SMYD3: variants seen among roughly 807,000 people sequenced by gnomAD.
The protein encoded by SMYD3 is SET and MYND domain containing 3.
In SMYD3, 36 loss-of-function variants were observed where a neutral mutation model predicts 57.7. That is an observed-to-expected ratio of 0.62 (90% CI 0.48 to 0.82). SMYD3 has a LOEUF of 0.82. Among genes scored for constraint, SMYD3 ranks in the 40% least tolerant of loss-of-function variants. SMYD3 has a pLI of 0.00. For synonymous variants in SMYD3, 211 were observed against 195.0 expected (o/e 1.08, Z -0.68); for missense variants, 515 against 538.8 (o/e 0.96, Z 0.44).
intron 1 of SMYD3, among the ~76,000 whole-genome samples, chr1:246,473,325 C>A (rs1357400961): frequency 2.6e-5 from 4 of 152,042 alleles, no homozygotes; most frequent in Admixed American, 2.6e-4. Flanking sequence ...TTAGAGTAAA[C>A]CTGATTTATT....
intron 1 of SMYD3, among the ~76,000 whole-genome samples, chr1:246,502,412 A>G (rs763383816): frequency 6.6e-6 from 1 of 152,148 alleles, no homozygotes; most frequent in Non-Finnish European, 1.5e-5. Flanking sequence ...GACTACAGGC[A>G]TGAGCCACCA....
At chr1:246,021,057 G>A (rs1233878446) in intron 5 of SMYD3, among the ~76,000 whole-genome samples, 1 of 152,176 alleles carries the variant, frequency 6.6e-6, no homozygotes, top group African/African-American at 2.4e-5. Context: ...GCTTTGTAAA[G>A]GTAACGGTGA....
rs2065909050 is a variant in SMYD3 at position 246,356,286 on chromosome 1, T to C, written c.165-1192A>G. On this transcript the variant is annotated intron_variant, in intron 1 of 11. Coordinates refer to ENST00000490107, the MANE Select transcript of SMYD3 (RefSeq NM_001167740.2). ...GGGAGAACCCCTTGGAACAAAAGTA[T>C]CTGAACAGCAGCCCTTGAGTCCCAT... 2.6e-5 allele frequency among the ~76,000 whole-genome samples: 4 copies of C among 152,204 alleles called. No homozygotes were observed. In the South Asian group the frequency reaches 8.3e-4, roughly 32 times the overall value.
chr1:246,080,719 G>C (rs893127110), intron 5 of SMYD3, among the ~76,000 whole-genome samples: 2 of 152,138 alleles, frequency 1.3e-5, no homozygotes, highest in Non-Finnish European at 1.5e-5. Flanking sequence ...ATACCTTTTT[G>C]ATATAAAATA....
intron 10 of SMYD3, among the ~76,000 whole-genome samples, chr1:245,842,127 T>C (rs944092639): frequency 2.0e-5 from 3 of 152,214 alleles, no homozygotes; most frequent in African/African-American, 7.2e-5. Context: ...TAAATACATT[T>C]CATGACGATT....
chr1:246,047,604 G>A (rs1330378294), intron 5 of SMYD3, among the ~76,000 whole-genome samples: 1 of 152,202 alleles, frequency 6.6e-6, no homozygotes, highest in African/African-American at 2.4e-5. Context: ...TTGGGAGGCT[G>A]AGGGAGTAGA....
chr1:246,503,204 C>A (rs2068483816), intron 1 of SMYD3, among the ~76,000 whole-genome samples: 1 of 152,234 alleles, frequency 6.6e-6, no homozygotes, highest in Admixed American at 6.5e-5. Context: ...CCACAATCCA[C>A]CAGGACTGAA....
In SMYD3 at chr1:245,763,212, C is replaced by T. The variant is rs191529062; in HGVS notation, c.1185+829G>A. Among the ~76,000 whole-genome samples the T allele has an allele frequency of 9.2e-3, 1,396 of 152,330 alleles. 6 individuals carry two copies. The highest frequency in any genetic ancestry group is 0.014 in the Non-Finnish European group (956 of 68,040). On this transcript the variant is annotated intron_variant, in intron 11 of 11. Transcript: ENST00000490107. ...TTCACTGACCTCCTTCGCTTCCTCC[C>T]TCCTCCTTCCCTCAATAATGAATAC...
At chr1:245,912,413 G>T (rs1230911372) in intron 8 of SMYD3, among the ~76,000 whole-genome samples, 1 of 152,108 alleles carries the variant, frequency 6.6e-6, no homozygotes, top group African/African-American at 2.4e-5. Flanking sequence ...AATTAATATT[G>T]TTAAATGATG....
intron 5 of SMYD3, among the ~76,000 whole-genome samples, chr1:245,980,868 G>T (rs971665458): frequency 6.6e-6 from 1 of 152,110 alleles, no homozygotes; most frequent in Non-Finnish European, 1.5e-5. Context: ...ATGGTACCTC[G>T]GCCACTGTTT....
chr1:246,159,061 A>G (rs1327732848), intron 5 of SMYD3, among the ~76,000 whole-genome samples: 1 of 152,188 alleles, frequency 6.6e-6, no homozygotes, highest in Non-Finnish European at 1.5e-5. Context: ...AGAGGGAATG[A>G]CCAAGGAAGG....
chr1:245,833,070 A>C lies in SMYD3; in HGVS notation c.1076+25426T>G, dbSNP rs113251705. ...CCCGGAATATGTGACAAAAAAAAAA[A>C]AAAAACCTGCTTTTATAATGCTGAT... On this transcript the variant is annotated intron_variant, in intron 10 of 11. Coordinates refer to ENST00000490107, the MANE Select transcript of SMYD3 (RefSeq NM_001167740.2). 2.0e-4 allele frequency among the ~76,000 whole-genome samples: 18 copies of C among 90,408 alleles called. 3 individuals carry two copies. Among genetic ancestry groups the C allele is most frequent in the African/African-American group, 5.1e-4 (18 of 35,320 alleles). 59.3% of individuals were successfully genotyped at this position (90,408 alleles called of 152,430 possible).
At chr1:246,023,096 C>T (rs1368693915) in intron 5 of SMYD3, among the ~76,000 whole-genome samples, 1 of 152,208 alleles carries the variant, frequency 6.6e-6, no homozygotes, top group East Asian at 1.9e-4. Flanking sequence ...ATTTAGGACA[C>T]AGGCAGGTTT....
At chr1:245,829,168 A>C (rs750783234) in intron 10 of SMYD3, among the ~76,000 whole-genome samples, 12 of 150,562 alleles carry the variant, frequency 8.0e-5, no homozygotes, top group Non-Finnish European at 1.2e-4. Flanking sequence ...GATAGTATGA[A>C]AAGTTCACTT....
intron 5 of SMYD3, among the ~76,000 whole-genome samples, chr1:246,194,534 T>C (rs2062800289): frequency 6.6e-6 from 1 of 152,220 alleles, no homozygotes; most frequent in African/African-American, 2.4e-5. Flanking sequence ...CCGAAAGTGC[T>C]GGGATTACAG....
At chr1:245,924,710 T>C (rs192764353) in intron 7 of SMYD3, among the ~76,000 whole-genome samples, 1 of 145,620 alleles carries the variant, frequency 6.9e-6, no homozygotes, top group East Asian at 2.1e-4. Context: ...TCGCCCAGGC[T>C]GGAGTGCAAT....
intron 5 of SMYD3, among the ~76,000 whole-genome samples, chr1:246,196,838 A>G (rs917766642): frequency 4.6e-5 from 7 of 152,160 alleles, no homozygotes; most frequent in Non-Finnish European, 7.3e-5. Context: ...TTCTAAAACT[A>G]TTCTCCAATT....
chr1:246,432,480 G>A (rs74938532), intron 1 of SMYD3, among the ~76,000 whole-genome samples: 3,468 of 152,262 alleles, frequency 0.023, 136 homozygotes, highest in African/African-American at 0.078. Context: ...AGGAAATAAA[G>A]TTTATCAAAA....
intron 1 of SMYD3, among the ~76,000 whole-genome samples, chr1:246,491,828 T>C (rs2068276519): frequency 6.6e-6 from 1 of 152,144 alleles, no homozygotes; most frequent in Non-Finnish European, 1.5e-5. Context: ...CTGTTGAACA[T>C]ACACAATTTC....
Sources: allele counts gnomAD v4.1 joint callset (sites outside exome capture counted in the v4.1 genomes callset), GRCh38; gene constraint gnomAD v4.1.1; transcripts MANE v1.5; gene names NCBI Gene and HGNC (gene_info 2026-07-23, HGNC 2026-07-21).